VEGFC: variants seen among roughly 807,000 people sequenced by gnomAD.
VEGFC encodes the protein vascular endothelial growth factor C, also known as FLT4 ligand DHM.
VEGFC carries 12 observed loss-of-function variants against 46.1 expected under a neutral mutation model. The observed-to-expected ratio is 0.26, with a 90% CI of 0.17 to 0.42. The LOEUF (loss-of-function observed/expected upper bound fraction) is 0.42. Ranked by LOEUF, VEGFC falls within the 10% of genes least tolerant of loss-of-function variation. The pLI is 1.00. For synonymous variants in VEGFC, 232 were observed against 195.5 expected, an observed-to-expected ratio of 1.19 and a Z score of -1.56; for missense variants, 488 against 529.4, an observed-to-expected ratio of 0.92 and a Z score of 0.77.
intron 1 of VEGFC, among the ~76,000 whole-genome samples, chr4:176,762,586 A>C (rs1264524296): frequency 6.6e-6 from 1 of 152,198 alleles, no homozygotes; most frequent in African/African-American, 2.4e-5. Flanking sequence ...AATCAGACTT[A>C]AGACATTTCT....
At chr4:176,740,843 T>C (rs1025909790) in intron 1 of VEGFC, among the ~76,000 whole-genome samples, 1 of 151,796 alleles carries the variant, frequency 6.6e-6, no homozygotes, top group Non-Finnish European at 1.5e-5. Flanking sequence ...GTTTTATATA[T>C]GTAGAACCTC....
intron 1 of VEGFC, among the ~76,000 whole-genome samples, chr4:176,740,928 C>T (rs917209217): frequency 6.6e-6 from 1 of 151,880 alleles, no homozygotes; most frequent in Middle Eastern, 3.4e-3. Context: ...TGTTGTATAA[C>T]GTTATCATCG....
At chr4:176,718,008 A>C (rs1334083909) in intron 3 of VEGFC, among the ~76,000 whole-genome samples, 2 of 152,176 alleles carry the variant, frequency 1.3e-5, no homozygotes, top group African/African-American at 4.8e-5. Context: ...AAAAGTATAC[A>C]CAGTACCACA....
chr4:176,744,241 A>G (rs180673809), intron 1 of VEGFC, among the ~76,000 whole-genome samples: 36 of 152,184 alleles, frequency 2.4e-4, no homozygotes, highest in Admixed American at 1.9e-3. Flanking sequence ...ACTAAATTAT[A>G]CAATACCAGT....
chr4:176,763,315 T>C (rs914430052), intron 1 of VEGFC, among the ~76,000 whole-genome samples: 9 of 152,070 alleles, frequency 5.9e-5, no homozygotes, highest in African/African-American at 2.2e-4. Context: ...TGGGAGATAT[T>C]ATACAACATA....
chr4:176,687,095 C>A, intron 6 of VEGFC, 92 bp downstream of exon 6: 2 of 1,341,990 alleles, frequency 1.5e-6, no homozygotes, highest in Non-Finnish European at 1.0e-6. Flanking sequence ...CTCATTCTAA[C>A]AAGCAATTGT....
rs1553998122 is a variant in VEGFC at position 176,784,779 on chromosome 4, A to AAAAAG, written c.147+7385_147+7386insCTTTT. On this transcript the variant is annotated intron_variant, in intron 1 of 6. Transcript: ENST00000618562. ...CTCAAAAAAAAAAAAAAAAAAAAAA[A>AAAAAG]GATAAAGTAACTAAATACACAAAAC... 3.6e-4 allele frequency among the ~76,000 whole-genome samples: 36 copies of AAAAAG among 100,288 alleles called. 8 individuals are homozygous for AAAAAG. The highest frequency in any genetic ancestry group is 1.6e-3 in the South Asian group (4 of 2,454). 65.8% of individuals were successfully genotyped at this position (100,288 alleles called of 152,430 possible). A position where few individuals can be genotyped will look rare whatever the true frequency, so the allele number is the denominator to read the frequency against.
chr4:176,787,306 A>C (rs556663020), intron 1 of VEGFC, among the ~76,000 whole-genome samples: 1 of 151,976 alleles, frequency 6.6e-6, no homozygotes, highest in Admixed American at 6.5e-5. Context: ...AAAATACAAA[A>C]ATTAGCCTGC....
At chr4:176,773,971 T>C (rs1158451084) in intron 1 of VEGFC, among the ~76,000 whole-genome samples, 2 of 152,190 alleles carry the variant, frequency 1.3e-5, no homozygotes, top group Non-Finnish European at 2.9e-5. Context: ...TAATATACTT[T>C]ACTTAACACA....
intron 4 of VEGFC, among the ~76,000 whole-genome samples, chr4:176,706,842 A>C (rs1473533959): frequency 6.6e-6 from 1 of 152,150 alleles, no homozygotes; most frequent in Non-Finnish European, 1.5e-5. Context: ...AATCAAAATA[A>C]AGAATGTTTC....
intron 1 of VEGFC, among the ~76,000 whole-genome samples, chr4:176,742,392 A>G (rs916348407): frequency 6.6e-6 from 1 of 152,002 alleles, no homozygotes; most frequent in African/African-American, 2.4e-5. Flanking sequence ...TGCGATAAAC[A>G]TGAGTGCAGA....
At chr4:176,707,097 T>C (rs1734548294) in intron 4 of VEGFC, among the ~76,000 whole-genome samples, 1 of 152,218 alleles carries the variant, frequency 6.6e-6, no homozygotes, top group Non-Finnish European at 1.5e-5. Flanking sequence ...CTCAGCAATG[T>C]TCCACTGTAT....
chr4:176,742,627 T>C (rs1735195173), intron 1 of VEGFC, among the ~76,000 whole-genome samples: 1 of 152,066 alleles, frequency 6.6e-6, no homozygotes, highest in Admixed American at 6.6e-5. Context: ...GATTCTCAGC[T>C]TTCTTAAGCT....
intron 1 of VEGFC, among the ~76,000 whole-genome samples, chr4:176,776,517 C>A (rs940705336): frequency 6.6e-6 from 1 of 152,190 alleles, no homozygotes; most frequent in Non-Finnish European, 1.5e-5. Context: ...AGGCACAATA[C>A]AAAACATATG....
Position 176,729,847 on chromosome 4 carries a change from C to T in VEGFC, c.148-101G>A, listed in dbSNP as rs573706914. 3.6e-5 allele frequency: 25 copies of T among 696,158 alleles called. No individual in the cohort carries two copies. The Admixed American group carries it at 7.2e-4, about 20-fold the overall frequency. The allele number at this position is 696,158 out of a possible 1,614,324, so 43.1% of individuals were successfully genotyped here. On this transcript the variant is annotated intron_variant, in intron 1 of 6. Coordinates refer to ENST00000618562, the MANE Select transcript of VEGFC (RefSeq NM_005429.5). The stretch of plus-strand genomic sequence containing the variant: ...GGTTTAATAGTATCTATGCTCCGTT[C>T]CCTAACACAAATATTATTAATTACT...
chr4:176,783,527 T>C (rs1735948717), intron 1 of VEGFC, among the ~76,000 whole-genome samples: 1 of 152,246 alleles, frequency 6.6e-6, no homozygotes, highest in Non-Finnish European at 1.5e-5. Flanking sequence ...ATATTCAAGA[T>C]GAGTTCATAT....
rs568388433 is a variant in VEGFC at position 176,697,686 on chromosome 4, G to A, written c.705-9759C>T. 6.0e-4 allele frequency among the ~76,000 whole-genome samples: 91 copies of A among 151,794 alleles called. 1 individual carries two copies. Among genetic ancestry groups the A allele is most frequent in the Admixed American group, 4.1e-3 (62 of 15,180 alleles). Reference sequence around the variant, plus strand: ...TGCTGCTATAAAGACACATGCACACGTATGTTTATTGCGGCATTATTCACG... The same window carrying A: ...TGCTGCTATAAAGACACATGCACACATATGTTTATTGCGGCATTATTCACG... On this transcript the variant is annotated intron_variant, in intron 4 of 6. Transcript: ENST00000618562.
intron 1 of VEGFC, among the ~76,000 whole-genome samples, chr4:176,760,972 C>T (rs1398950628): frequency 6.6e-6 from 1 of 152,162 alleles, no homozygotes; most frequent in African/African-American, 2.4e-5. Context: ...TATGATACTG[C>T]AAGTCTGGCC....
At chr4:176,771,233 A>AG (rs1215101354) in intron 1 of VEGFC, among the ~76,000 whole-genome samples, 1 of 152,168 alleles carries the variant, frequency 6.6e-6, no homozygotes, top group Non-Finnish European at 1.5e-5. Context: ...CTACAGTTGC[A>AG]GGGGAAACAA....
Sources: allele counts gnomAD v4.1 joint callset (sites outside exome capture counted in the v4.1 genomes callset), GRCh38; gene constraint gnomAD v4.1.1; transcripts MANE v1.5; gene names NCBI Gene and HGNC (gene_info 2026-07-23, HGNC 2026-07-21).